HS6ST3: variants seen among roughly 807,000 people sequenced by gnomAD.
HS6ST3 encodes the protein heparan-sulfate 6-O-sulfotransferase 3.
A neutral mutation model predicts 36.7 loss-of-function variants in HS6ST3; 12 were observed. That is an observed-to-expected ratio of 0.33 (90% CI 0.21 to 0.53). The LOEUF (loss-of-function observed/expected upper bound fraction) is 0.53, where lower values mean the gene tolerates loss of function less well. HS6ST3 is among the 20% of genes least tolerant of loss of function. HS6ST3 has a pLI of 0.95. For synonymous variants in HS6ST3, 240 were observed against 257.5 expected (o/e 0.93, Z 0.65); for missense variants, 584 against 640.9 (o/e 0.91, Z 0.96).
rs1487771520 is a variant in HS6ST3 at position 96,836,631 on chromosome 13, A to AT, written c.*3438dup. Reference sequence around the variant, plus strand: ...GACTCCTTGTTATGCCTTTAAGGTAATTTTTAAAAAAAATCTGAGTAGAGA... The same window carrying AT: ...GACTCCTTGTTATGCCTTTAAGGTAATTTTTTAAAAAAAATCTGAGTAGAGA... On this transcript the variant is annotated 3_prime_UTR_variant, in exon 2 of 2. Transcript: ENST00000376705. 2 of 152,182 alleles carry AT rather than the reference A, an allele frequency of 1.3e-5. No homozygotes were observed. Among genetic ancestry groups the AT allele is most frequent in the Non-Finnish European group, 2.9e-5 (2 of 68,018 alleles). 9.4% of individuals were successfully genotyped at this position (152,182 alleles called of 1,614,324 possible).
rs1878026169 is a variant in HS6ST3 at position 96,800,000 on chromosome 13, A to ATATATATATATATATATG, written c.708-32477_708-32476insATATGTATATATATATAT. On this transcript the variant is annotated intron_variant, in intron 1 of 1. Transcript: ENST00000376705. The stretch of plus-strand genomic sequence containing the variant: ...TATATATGTATATATATATATATGT[A>ATATATATATATATATATG]TATATATATATATGTATATATATAT... 3.4e-5 allele frequency among the ~76,000 whole-genome samples: 3 copies of ATATATATATATATATATG among 89,392 alleles called. No homozygotes were observed. In the Admixed American group the frequency reaches 3.4e-4, roughly 10 times the overall value. The allele number at this position is 89,392 out of a possible 152,430, so 58.6% of individuals were successfully genotyped here. A position where few individuals can be genotyped will look rare whatever the true frequency, so the allele number is the denominator to read the frequency against.
At chr13:96,484,150 C>T (rs1278276338) in intron 1 of HS6ST3, among the ~76,000 whole-genome samples, 1 of 151,718 alleles carries the variant, frequency 6.6e-6, no homozygotes, top group African/African-American at 2.4e-5. Flanking sequence ...AGCTTTTTTT[C>T]AGCTTTATTG....
chr13:96,096,854 G>A (rs533032144), intron 1 of HS6ST3, among the ~76,000 whole-genome samples: 18 of 152,252 alleles, frequency 1.2e-4, no homozygotes, highest in Non-Finnish European at 2.5e-4. Context: ...GCTTTCTAAA[G>A]CATAAGCTGT....
At chr13:96,495,409 C>T (rs1178060586) in intron 1 of HS6ST3, among the ~76,000 whole-genome samples, 1 of 152,140 alleles carries the variant, frequency 6.6e-6, no homozygotes, top group Non-Finnish European at 1.5e-5. Context: ...GTGAAAACAC[C>T]TTTCCTTCAT....
At chr13:96,295,555 G>A (rs61966898) in intron 1 of HS6ST3, among the ~76,000 whole-genome samples, 12,931 of 152,070 alleles carry the variant, frequency 0.085, 671 homozygotes, top group Middle Eastern at 0.14. Flanking sequence ...AGTGCTGAGC[G>A]CGATCCAGGT....
rs575519800 is a variant in HS6ST3, at chr13:96,760,850, G to A, written c.708-71640G>A. ...TTTATTAGCATAGGAAGCATTGGTA[G>A]TAAAATTAGCGAGTTTTTGTGCTTC... On this transcript the variant is annotated intron_variant, in intron 1 of 1. Coordinates refer to ENST00000376705, the MANE Select transcript of HS6ST3 (RefSeq NM_153456.4). Among the ~76,000 whole-genome samples the A allele has an allele frequency of 5.3e-5, 8 of 152,206 alleles. No individual in the cohort carries two copies. The South Asian group carries it at 8.3e-4, about 16-fold the overall frequency.
At chr13:96,287,110 T>C (rs1205757629) in intron 1 of HS6ST3, among the ~76,000 whole-genome samples, 3 of 152,174 alleles carry the variant, frequency 2.0e-5, no homozygotes, top group South Asian at 2.1e-4. Context: ...CACAATGTAG[T>C]AGAAGTTGAC....
chr13:96,737,440 A>G (rs903516177), intron 1 of HS6ST3, among the ~76,000 whole-genome samples: 32 of 151,428 alleles, frequency 2.1e-4, no homozygotes, highest in Middle Eastern at 6.8e-3. Context: ...CCTGGCTAAC[A>G]AGGTGAAACC....
chr13:96,351,697 G>C (rs188767821), intron 1 of HS6ST3, among the ~76,000 whole-genome samples: 2 of 152,060 alleles, frequency 1.3e-5, no homozygotes, highest in Non-Finnish European at 2.9e-5. Flanking sequence ...GTCTTCTACC[G>C]TAATATATTT....
intron 1 of HS6ST3, among the ~76,000 whole-genome samples, chr13:96,521,588 A>C (rs574711690): frequency 1.1e-3 from 172 of 152,234 alleles, no homozygotes; most frequent in African/African-American, 3.7e-3. Flanking sequence ...GGGAGGGTGT[A>C]TGTGTCCAGG....
chr13:96,364,302 G>A (rs2055252995), intron 1 of HS6ST3, among the ~76,000 whole-genome samples: 1 of 152,096 alleles, frequency 6.6e-6, no homozygotes, highest in Non-Finnish European at 1.5e-5. Context: ...GTACACCCAT[G>A]TTCATAGCAG....
At chr13:96,291,314 G>T (rs1268459158) in intron 1 of HS6ST3, among the ~76,000 whole-genome samples, 1 of 152,178 alleles carries the variant, frequency 6.6e-6, no homozygotes, top group African/African-American at 2.4e-5. Flanking sequence ...ATAAGGCCTG[G>T]ATTCTGCCAG....
intron 1 of HS6ST3, among the ~76,000 whole-genome samples, chr13:96,687,477 C>T (rs914504077): frequency 7.9e-5 from 12 of 152,002 alleles, no homozygotes; most frequent in Non-Finnish European, 1.8e-4. Flanking sequence ...TGTCTGTAAA[C>T]ATGCTCACAG....
At chr13:96,796,164 A>T (rs1178498852) in intron 1 of HS6ST3, among the ~76,000 whole-genome samples, 1 of 152,072 alleles carries the variant, frequency 6.6e-6, no homozygotes, top group Non-Finnish European at 1.5e-5. Context: ...TAGTTTGTCT[A>T]AATCAATCAC....
chr13:96,771,379 C>A (rs1202097280), intron 1 of HS6ST3, among the ~76,000 whole-genome samples: 1 of 151,786 alleles, frequency 6.6e-6, no homozygotes, highest in Non-Finnish European at 1.5e-5. Context: ...ATGTAACAAA[C>A]CTGCACGTTG....
At chr13:96,573,649 T>TG (rs1396670119) in intron 1 of HS6ST3, 8 of 278,264 alleles carry the variant, frequency 2.9e-5, no homozygotes, top group Admixed American at 5.8e-5. Context: ...CATCCTCCAC[T>TG]GGAGTCCAAG....
At position 96,835,129 on chromosome 13, in the gene HS6ST3, A is replaced by G. The variant is rs1878894068; in HGVS notation, c.*1931A>G. 6.6e-6 allele frequency: 1 copy of G among 152,180 alleles called. No homozygotes were observed. Among genetic ancestry groups the G allele is most frequent in the Non-Finnish European group, 1.5e-5 (1 of 68,042 alleles). 9.4% of individuals were successfully genotyped at this position (152,180 alleles called of 1,614,324 possible). A position where few individuals can be genotyped will look rare whatever the true frequency, so the allele number is the denominator to read the frequency against. On this transcript the variant is annotated 3_prime_UTR_variant, in exon 2 of 2. Transcript: ENST00000376705. ...CTCTTTACTCCGTCACCATATCCAT[A>G]TGGAATAAGGGCTCGTCCTACCTAA...
intron 1 of HS6ST3, among the ~76,000 whole-genome samples, chr13:96,647,356 A>C (rs909769358): frequency 2.0e-5 from 3 of 152,040 alleles, no homozygotes; most frequent in Non-Finnish European, 4.4e-5. Context: ...GTTGCATCTA[A>C]ATAAATGAGA....
chr13:96,123,942 G>T (rs564483145), intron 1 of HS6ST3, among the ~76,000 whole-genome samples: 2 of 152,132 alleles, frequency 1.3e-5, no homozygotes, highest in South Asian at 4.1e-4. Flanking sequence ...CCTCTTAGAA[G>T]TATTATAGAA....
Sources: gnomAD v4.1 joint callset for allele counts (sites outside exome capture counted in the v4.1 genomes callset) on GRCh38, gnomAD v4.1.1 for gene constraint, MANE v1.5 for transcripts, NCBI Gene and HGNC (gene_info 2026-07-23, HGNC 2026-07-21) for gene names.